TLE1: variants seen among roughly 807,000 people sequenced by gnomAD.
The protein encoded by TLE1 is transducin-like enhancer protein 1.
In TLE1, 21 loss-of-function variants were observed where a neutral mutation model predicts 89.8. That is an observed-to-expected ratio of 0.23 (90% CI 0.17 to 0.34). The LOEUF (loss-of-function observed/expected upper bound fraction) is 0.34. TLE1 is among the 10% of genes least tolerant of loss of function. The probability of loss-of-function intolerance (pLI) is 1.00; values close to 1 mark genes in which losing one functional copy is unlikely to be tolerated. For synonymous variants in TLE1, 447 were observed against 407.6 expected, an observed-to-expected ratio of 1.10 and a Z score of -1.16; for missense variants, 795 against 1,031.2, an observed-to-expected ratio of 0.77 and a Z score of 3.14.
chr9:81,606,007 G>A (rs1470238108), intron 14 of TLE1, among the ~76,000 whole-genome samples: 2 of 152,118 alleles, frequency 1.3e-5, no homozygotes, highest in Non-Finnish European at 2.9e-5. Flanking sequence ...GCAGCCAACA[G>A]ACACATGAAA....
At chr9:81,664,488 A>G (rs1437452543) in intron 4 of TLE1, among the ~76,000 whole-genome samples, 1 of 152,168 alleles carries the variant, frequency 6.6e-6, no homozygotes, top group Non-Finnish European at 1.5e-5. Context: ...TTTAAATCTA[A>G]TGTGTCTGAG....
At position 81,641,891 on chromosome 9, in the gene TLE1, G is replaced by A. The variant is rs572779829; in HGVS notation, c.373-7590C>T. On this transcript the variant is annotated intron_variant, in intron 6 of 19. Transcript: ENST00000376499. ...TACAAAATTAGCCAGGTGTGGTGGCGCATGCCTGCAATCCCAGCTACTCAG... is the reference window on the plus strand; with the variant it reads ...TACAAAATTAGCCAGGTGTGGTGGCACATGCCTGCAATCCCAGCTACTCAG... Among the ~76,000 whole-genome samples the A allele has an allele frequency of 2.8e-4, 43 of 152,242 alleles. No individual in the cohort carries two copies. The East Asian group carries it at 5.0e-3, about 18-fold the overall frequency.
intron 4 of TLE1, among the ~76,000 whole-genome samples, chr9:81,676,958 C>G (rs539902524): frequency 6.6e-6 from 1 of 152,166 alleles, no homozygotes; most frequent in Non-Finnish European, 1.5e-5. Flanking sequence ...CAAATTTGGC[C>G]GGGCATGGTG....
intron 14 of TLE1, among the ~76,000 whole-genome samples, chr9:81,603,285 C>G (rs1215135946): frequency 6.6e-6 from 1 of 152,150 alleles, no homozygotes; most frequent in Non-Finnish European, 1.5e-5. Flanking sequence ...TCAGGGTCTA[C>G]AATTCTGCCT....
chr9:81,668,721 A>G (rs1362089447), intron 4 of TLE1, among the ~76,000 whole-genome samples: 1 of 152,182 alleles, frequency 6.6e-6, no homozygotes, highest in Non-Finnish European at 1.5e-5. Flanking sequence ...AAAGGCCTTC[A>G]TCCCTTTATG....
At chr9:81,584,352 C>T (rs553083579) in intron 19 of TLE1, 47 bp from the exon 20 acceptor site, 9 of 1,608,868 alleles carry the variant, frequency 5.6e-6, no homozygotes, top group Non-Finnish European at 1.7e-6. Flanking sequence ...AACAACGGTA[C>T]TCAGAGGCCC....
chr9:81,636,590 C>T (rs1827394329), intron 6 of TLE1, among the ~76,000 whole-genome samples: 2 of 152,076 alleles, frequency 1.3e-5, no homozygotes, highest in African/African-American at 4.8e-5. Context: ...ACCCTCTCAC[C>T]CCTCTCCCTG....
At chr9:81,660,794 C>T (rs905246680) in intron 4 of TLE1, among the ~76,000 whole-genome samples, 1 of 151,102 alleles carries the variant, frequency 6.6e-6, no homozygotes, top group Non-Finnish European at 1.5e-5. Context: ...GTGTATTCTG[C>T]GACTTTTAAA....
chr9:81,633,322 T>C (rs1564000299), intron 8 of TLE1, 26 bp downstream of exon 8: 2 of 1,580,758 alleles, frequency 1.3e-6, no homozygotes, highest in Non-Finnish European at 8.6e-7. Flanking sequence ...TGTGTGTGTG[T>C]GTGCAGCAGG....
chr9:81,637,791 A>G (rs1180949799), intron 6 of TLE1, among the ~76,000 whole-genome samples: 3 of 152,068 alleles, frequency 2.0e-5, no homozygotes, highest in Non-Finnish European at 2.9e-5. Flanking sequence ...TCTGCAGGGC[A>G]GTGCTCCTAG....
At chr9:81,592,648 A>G (rs1446414465) in intron 15 of TLE1, among the ~76,000 whole-genome samples, 1 of 152,116 alleles carries the variant, frequency 6.6e-6, no homozygotes, top group Non-Finnish European at 1.5e-5. Context: ...ACTATTCTAT[A>G]TTTATCTAAA....
chr9:81,672,391 T>C (rs1215998758), intron 4 of TLE1, among the ~76,000 whole-genome samples: 1 of 151,802 alleles, frequency 6.6e-6, no homozygotes, highest in African/African-American at 2.4e-5. Flanking sequence ...TGGAGTGTGA[T>C]GGTGCGATCT....
At position 81,585,655 on chromosome 9, in the gene TLE1, T is replaced by C; in HGVS notation, c.1978A>G (p.Ile660Val). 3 of 1,613,936 alleles carry C rather than the reference T, an allele frequency of 1.9e-6. 1 individual carries two copies. In the South Asian group the frequency reaches 3.3e-5, roughly 18 times the overall value. Reference sequence around the variant, plus strand: ...GTGGGGCAGTACCCCAGGGAGAAGATCTACAAGGAGCAAGACAGGCTCACT... The same window carrying C: ...GTGGGGCAGTACCCCAGGGAGAAGACCTACAAGGAGCAAGACAGGCTCACT... ...QLQQHDFTSQIFSLGYCPTGE... is the reference protein window; with the variant it reads ...QLQQHDFTSQVFSLGYCPTGE... The change falls in exon 18 of 20, where the codon ATC (isoleucine) becomes GTC (valine). Residue 660 changes from isoleucine to valine, a missense_variant and splice_region_variant. Coordinates refer to ENST00000376499, the MANE Select transcript of TLE1 (RefSeq NM_005077.5).
rs1295362445 is a variant in TLE1, at chr9:81,689,523, C to CCGCGCCTCT, written c.-1292_-1284dup. ...CCGCCGCTCCCACCGCCGCCGCCGC[C>CCGCGCCTCT]CGCGCCTCTCGCGCCGCTTACATTA... On this transcript the variant is annotated 5_prime_UTR_variant, in exon 1 of 20. Coordinates refer to ENST00000376499, the MANE Select transcript of TLE1 (RefSeq NM_005077.5). Among the ~76,000 whole-genome samples, 2 of 152,156 alleles carry CCGCGCCTCT rather than the reference C, an allele frequency of 1.3e-5. No individual in the cohort carries two copies. Among genetic ancestry groups the CCGCGCCTCT allele is most frequent in the East Asian group, 1.9e-4 (1 of 5,172 alleles).
intron 11 of TLE1, among the ~76,000 whole-genome samples, chr9:81,615,463 G>T (rs1017539754): frequency 6.6e-6 from 1 of 151,100 alleles, no homozygotes; most frequent in African/African-American, 2.4e-5. Flanking sequence ...ACTTTGGGAG[G>T]CTGAGGCGGG....
intron 1 of TLE1, among the ~76,000 whole-genome samples, chr9:81,687,885 T>C (rs778531548): frequency 6.6e-6 from 1 of 151,210 alleles, no homozygotes; most frequent in Non-Finnish European, 1.5e-5. Flanking sequence ...GACATGTAAA[T>C]AGGCGAGAGG....
intron 11 of TLE1, among the ~76,000 whole-genome samples, chr9:81,614,444 A>T (rs1824149185): frequency 6.6e-6 from 1 of 152,314 alleles, no homozygotes; most frequent in Middle Eastern, 3.4e-3. Context: ...GAGACCAGAC[A>T]GTAACAGGGT....
At chr9:81,654,350 T>C (rs747080871) in intron 4 of TLE1, among the ~76,000 whole-genome samples, 1 of 152,118 alleles carries the variant, frequency 6.6e-6, no homozygotes, top group African/African-American at 2.4e-5. Flanking sequence ...CATATATATA[T>C]GTATTTTTGA....
chr9:81,605,721 T>C (rs1368549555), intron 14 of TLE1, among the ~76,000 whole-genome samples: 2 of 151,696 alleles, frequency 1.3e-5, no homozygotes, highest in East Asian at 3.9e-4. Context: ...AAAGACTTCA[T>C]GACTAAAACA....
Sources: gnomAD v4.1 joint callset for allele counts (sites outside exome capture counted in the v4.1 genomes callset) on GRCh38, gnomAD v4.1.1 for gene constraint, MANE v1.5 for transcripts, NCBI Gene and HGNC (gene_info 2026-07-23, HGNC 2026-07-21) for gene names.